UBE2E2: variants seen among roughly 807,000 people sequenced by gnomAD.
UBE2E2 encodes the protein ubiquitin conjugating enzyme E2 E2.
A neutral mutation model predicts 24.7 loss-of-function variants in UBE2E2; 6 were observed. The ratio of observed to expected loss-of-function variants is 0.24; its 90% CI spans 0.13 to 0.48. The LOEUF is 0.48. UBE2E2 is among the 20% of genes least tolerant of loss of function. UBE2E2 has a pLI of 0.99. For missense variants in UBE2E2, 169 were observed against 245.0 expected (o/e 0.69, Z 2.07); for synonymous variants, 104 against 83.6 (o/e 1.24, Z -1.33).
chr3:23,297,100 A>G (rs1393532968), intron 3 of UBE2E2, among the ~76,000 whole-genome samples: 1 of 152,154 alleles, frequency 6.6e-6, no homozygotes, highest in Non-Finnish European at 1.5e-5. Context: ...GGCTGCATAA[A>G]TGTCTTCTTT....
intron 3 of UBE2E2, among the ~76,000 whole-genome samples, chr3:23,336,141 T>A (rs1244800247): frequency 1.3e-5 from 2 of 152,244 alleles, no homozygotes; most frequent in African/African-American, 4.8e-5. Flanking sequence ...AATTATTTTT[T>A]AATTATTGTT....
intron 3 of UBE2E2, among the ~76,000 whole-genome samples, chr3:23,430,034 C>T (rs1379850809): frequency 1.3e-5 from 2 of 152,146 alleles, no homozygotes; most frequent in Non-Finnish European, 2.9e-5. Flanking sequence ...GTACATGCCA[C>T]CGTGCCTGGC....
At chr3:23,208,343 C>G (rs976501896) in intron 1 of UBE2E2, among the ~76,000 whole-genome samples, 1 of 152,110 alleles carries the variant, frequency 6.6e-6, no homozygotes, top group Non-Finnish European at 1.5e-5. Flanking sequence ...AGACACAGTA[C>G]TTCATTCTTT....
chr3:23,573,269 C>T (rs564466879), intron 5 of UBE2E2, among the ~76,000 whole-genome samples: 17 of 152,134 alleles, frequency 1.1e-4, no homozygotes, highest in Admixed American at 3.3e-4. Context: ...AAAGTAAATA[C>T]GCAAAGATAT....
intron 3 of UBE2E2, among the ~76,000 whole-genome samples, chr3:23,427,922 A>G (rs374287572): frequency 6.6e-6 from 1 of 152,348 alleles, no homozygotes; most frequent in African/African-American, 2.4e-5. Context: ...TATGTAGGAC[A>G]AAAACTTACA....
Position 23,560,278 on chromosome 3 carries a change from C to T in UBE2E2, c.508+27577C>T, listed in dbSNP as rs182818095. Among the ~76,000 whole-genome samples the T allele has an allele frequency of 4.7e-3, 650 of 138,562 alleles. 5 individuals carry two copies. Among genetic ancestry groups the T allele is most frequent in the Middle Eastern group, 0.019 (5 of 260 alleles). 90.9% of individuals were successfully genotyped at this position (138,562 alleles called of 152,430 possible). ...TCCCCTTCCTGTGTCCATGTGTTCT[C>T]GTTGTTCAATTCCCACCTATGAGTG... is the stretch of plus-strand genomic sequence containing the variant. On this transcript the variant is annotated intron_variant, in intron 5 of 5. Coordinates refer to ENST00000396703, the MANE Select transcript of UBE2E2 (RefSeq NM_152653.4).
intron 3 of UBE2E2, among the ~76,000 whole-genome samples, chr3:23,282,680 G>T (rs777941489): frequency 6.6e-6 from 1 of 152,164 alleles, no homozygotes; most frequent in East Asian, 1.9e-4. Flanking sequence ...CCAACAAAAT[G>T]ATTTAAAAAC....
chr3:23,338,396 C>T (rs1174054245), intron 3 of UBE2E2, among the ~76,000 whole-genome samples: 1 of 152,028 alleles, frequency 6.6e-6, no homozygotes, highest in Non-Finnish European at 1.5e-5. Flanking sequence ...TTTGAGATAT[C>T]AGTATGAATG....
intron 3 of UBE2E2, among the ~76,000 whole-genome samples, chr3:23,225,725 G>T (rs1696800941): frequency 1.3e-5 from 2 of 152,112 alleles, no homozygotes; most frequent in South Asian, 4.1e-4. Flanking sequence ...ATCAGAAAGT[G>T]TAAGTATTCT....
rs368105362 is a variant in UBE2E2 at position 23,334,550 on chromosome 3, G to A, written c.227+117238G>A. Among the ~76,000 whole-genome samples the A allele has an allele frequency of 4.8e-4, 73 of 152,148 alleles. 1 individual carries two copies. The East Asian group carries it at 8.5e-3, about 18-fold the overall frequency. On this transcript the variant is annotated intron_variant, in intron 3 of 5. Transcript: ENST00000396703. ...TCCAAAATAAAACATAGTAAGTGAA[G>A]AAATTATAACTATAATTTCGAAGTT...
intron 3 of UBE2E2, among the ~76,000 whole-genome samples, chr3:23,357,602 C>G (rs572672398): frequency 6.6e-6 from 1 of 152,088 alleles, no homozygotes; most frequent in East Asian, 1.9e-4. Flanking sequence ...CATAGCCTTC[C>G]CATTAAATCC....
chr3:23,270,803 AATTC>A, intron 3 of UBE2E2: 1 of 394,328 alleles, frequency 2.5e-6, no homozygotes, highest in Non-Finnish European at 5.1e-6. Context: ...CAGTTTCAGG[AATTC>A]ATTTAACACA....
intron 3 of UBE2E2, among the ~76,000 whole-genome samples, chr3:23,363,308 C>T (rs938519382): frequency 1.3e-5 from 2 of 152,194 alleles, no homozygotes; most frequent in African/African-American, 4.8e-5. Context: ...CAATATTAAC[C>T]TTGAATGCAA....
intron 3 of UBE2E2, among the ~76,000 whole-genome samples, chr3:23,366,596 A>G (rs1368884666): frequency 2.0e-5 from 3 of 152,182 alleles, no homozygotes; most frequent in African/African-American, 7.2e-5. Flanking sequence ...TAAGGGTACA[A>G]CAGACACCAG....
chr3:23,428,231 A>G (rs1037405452), intron 3 of UBE2E2, among the ~76,000 whole-genome samples: 1 of 152,246 alleles, frequency 6.6e-6, no homozygotes, highest in African/African-American at 2.4e-5. Flanking sequence ...TAAACTAGAA[A>G]TTAGTAACAG....
chr3:23,377,167 A>G (rs570011465), intron 3 of UBE2E2, among the ~76,000 whole-genome samples: 15 of 152,242 alleles, frequency 9.9e-5, no homozygotes, highest in South Asian at 4.2e-4. Context: ...TAGCTTACCA[A>G]CCTACAAGGA....
chr3:23,268,054 C>T (rs929100302), intron 3 of UBE2E2, among the ~76,000 whole-genome samples: 7 of 151,840 alleles, frequency 4.6e-5, no homozygotes, highest in East Asian at 3.9e-4. Context: ...TGGGACGTAT[C>T]TCAAAATAAT....
At chr3:23,203,129 C>G (rs867749217), upstream of UBE2E2, 1 of 984,316 alleles carries the variant, frequency 1.0e-6, no homozygotes, top group African/African-American at 1.8e-5. Flanking sequence ...CGCGGACGGC[C>G]GGGCGGCGGC....
chr3:23,333,897 C>A (rs891689326), intron 3 of UBE2E2, among the ~76,000 whole-genome samples: 5 of 152,124 alleles, frequency 3.3e-5, no homozygotes, highest in Admixed American at 2.6e-4. Flanking sequence ...AGATAACAGA[C>A]TAGTAAATAC....
Sources: gnomAD v4.1 joint callset for allele counts (sites outside exome capture counted in the v4.1 genomes callset) on GRCh38, gnomAD v4.1.1 for gene constraint, MANE v1.5 for transcripts, NCBI Gene and HGNC (gene_info 2026-07-23, HGNC 2026-07-21) for gene names.